The following CNTNAP2 variants were observed in gnomAD, a reference collection of about 807,000 sequenced individuals.
CNTNAP2 encodes the protein contactin-associated protein-like 2.
A neutral mutation model predicts 155.2 loss-of-function variants in CNTNAP2; 98 were observed. The observed-to-expected ratio is 0.63, with a 90% confidence interval of 0.54 to 0.75. The LOEUF is 0.75. Among genes scored for constraint, CNTNAP2 ranks in the 30% least tolerant of loss-of-function variants. CNTNAP2 has a pLI of 0.00. For missense variants in CNTNAP2, 1,727 were observed against 1,688.1 expected (o/e 1.02, Z -0.40); for synonymous variants, 651 against 631.2 (o/e 1.03, Z -0.47).
intron 4 of CNTNAP2, among the ~76,000 whole-genome samples, chr7:147,049,749 A>C (rs1335282480): frequency 2.0e-5 from 3 of 152,194 alleles, no homozygotes; most frequent in African/African-American, 4.8e-5. Flanking sequence ...CTTTCACTGC[A>C]AAGTTTGCCA....
At chr7:147,446,102 A>T (rs1366918359) in intron 10 of CNTNAP2, among the ~76,000 whole-genome samples, 3 of 150,726 alleles carry the variant, frequency 2.0e-5, no homozygotes, top group Admixed American at 6.6e-5. Flanking sequence ...AGGGCAAGAC[A>T]CACTTGCTCT....
intron 1 of CNTNAP2, among the ~76,000 whole-genome samples, chr7:146,291,505 CAT>C (rs928488370): frequency 2.0e-5 from 3 of 152,024 alleles, no homozygotes; most frequent in African/African-American, 7.3e-5. Flanking sequence ...CCACAGAAAC[CAT>C]ATGTGTCCAA....
chr7:146,302,575 T>G (rs1363211758), intron 1 of CNTNAP2, among the ~76,000 whole-genome samples: 1 of 152,142 alleles, frequency 6.6e-6, no homozygotes, highest in Non-Finnish European at 1.5e-5. Flanking sequence ...CTAAGTAATT[T>G]GCACAATATT....
At chr7:147,058,729 C>T (rs1799608701) in intron 4 of CNTNAP2, among the ~76,000 whole-genome samples, 1 of 152,170 alleles carries the variant, frequency 6.6e-6, no homozygotes, top group Admixed American at 6.5e-5. Flanking sequence ...GCCTCAGCCT[C>T]CCAAGTAGCT....
At chr7:146,906,351 G>A (rs1339143955) in intron 3 of CNTNAP2, among the ~76,000 whole-genome samples, 2 of 152,160 alleles carry the variant, frequency 1.3e-5, no homozygotes, top group Non-Finnish European at 2.9e-5. Flanking sequence ...TGGGGGCAGG[G>A]CACAGACAAA....
chr7:146,601,024 C>G (rs1357138566), intron 1 of CNTNAP2, among the ~76,000 whole-genome samples: 3 of 152,088 alleles, frequency 2.0e-5, no homozygotes, highest in African/African-American at 7.2e-5. Context: ...AAATTACCAA[C>G]AAAAGGCAAT....
At chr7:147,480,958 T>C (rs974300004) in intron 10 of CNTNAP2, among the ~76,000 whole-genome samples, 3 of 152,170 alleles carry the variant, frequency 2.0e-5, no homozygotes, top group African/African-American at 7.2e-5. Context: ...TGAGAAACAC[T>C]ACTTTTGAGT....
intron 3 of CNTNAP2, among the ~76,000 whole-genome samples, chr7:146,877,004 C>A (rs946308258): frequency 6.6e-6 from 1 of 152,004 alleles, no homozygotes; most frequent in Non-Finnish European, 1.5e-5. Flanking sequence ...CTGCTTTAAG[C>A]GTTTTTCATT....
intron 15 of CNTNAP2, among the ~76,000 whole-genome samples, chr7:148,037,677 T>C (rs927340332): frequency 6.6e-6 from 1 of 152,222 alleles, no homozygotes; most frequent in Non-Finnish European, 1.5e-5. Flanking sequence ...AAGAACCACA[T>C]AACATAACTT....
At chr7:146,634,486 T>A (rs1036106921) in intron 1 of CNTNAP2, among the ~76,000 whole-genome samples, 5 of 152,222 alleles carry the variant, frequency 3.3e-5, no homozygotes, top group East Asian at 1.9e-4. Flanking sequence ...AGATTTTTTT[T>A]ATATTGATTG....
intron 9 of CNTNAP2, among the ~76,000 whole-genome samples, chr7:147,345,914 C>T (rs938028697): frequency 2.6e-5 from 4 of 152,116 alleles, no homozygotes; most frequent in African/African-American, 9.7e-5. Flanking sequence ...CAATTTTAAG[C>T]ATCCTGTGTA....
intron 2 of CNTNAP2, among the ~76,000 whole-genome samples, chr7:146,802,910 G>A (rs928062233): frequency 6.6e-6 from 1 of 152,146 alleles, no homozygotes; most frequent in Non-Finnish European, 1.5e-5. Flanking sequence ...ATTGAAGTAA[G>A]AGATATACTC....
At chr7:146,624,848 T>A (rs1799393461) in intron 1 of CNTNAP2, among the ~76,000 whole-genome samples, 1 of 152,094 alleles carries the variant, frequency 6.6e-6, no homozygotes, top group African/African-American at 2.4e-5. Flanking sequence ...GTCTTCCAAG[T>A]CATAAACCTG....
At chr7:146,673,792 A>C (rs1417337720) in intron 1 of CNTNAP2, among the ~76,000 whole-genome samples, 1 of 152,026 alleles carries the variant, frequency 6.6e-6, no homozygotes, top group Non-Finnish European at 1.5e-5. Context: ...TGATTTGCCC[A>C]GGCTGGTCTC....
chr7:147,408,999 G>C (rs565486077), intron 10 of CNTNAP2, among the ~76,000 whole-genome samples: 1 of 152,144 alleles, frequency 6.6e-6, no homozygotes, highest in Non-Finnish European at 1.5e-5. Context: ...TGTGGAAACC[G>C]GAAAAGGTAT....
chr7:148,372,536 C>T (rs568884186), intron 21 of CNTNAP2, among the ~76,000 whole-genome samples: 187 of 152,044 alleles, frequency 1.2e-3, no homozygotes, highest in Non-Finnish European at 1.7e-3. Context: ...GGTGAAACCC[C>T]GTCTCTACTA....
chr7:148,287,049 G>T (rs1797096700), intron 21 of CNTNAP2, among the ~76,000 whole-genome samples: 1 of 152,108 alleles, frequency 6.6e-6, no homozygotes, highest in African/African-American at 2.4e-5. Context: ...TGCCCTAAAA[G>T]TCCTCTGTCT....
At chr7:146,739,950 T>C (rs1801683959) in intron 1 of CNTNAP2, among the ~76,000 whole-genome samples, 1 of 152,100 alleles carries the variant, frequency 6.6e-6, no homozygotes, top group Admixed American at 6.5e-5. Context: ...CTTATATAAA[T>C]ATAGCTACTT....
At chr7:147,545,383 C>T (rs1263333214) in intron 11 of CNTNAP2, among the ~76,000 whole-genome samples, 1 of 152,014 alleles carries the variant, frequency 6.6e-6, no homozygotes, top group Non-Finnish European at 1.5e-5. Flanking sequence ...TAGTATGATA[C>T]CATTTTAGAA....
Sources: gnomAD v4.1 joint callset for allele counts (sites outside exome capture counted in the v4.1 genomes callset) on GRCh38, gnomAD v4.1.1 for gene constraint, MANE v1.5 for transcripts, NCBI Gene and HGNC (gene_info 2026-07-23, HGNC 2026-07-21) for gene names.